The following HELLS variants were observed in gnomAD, a reference collection of about 807,000 sequenced individuals.
The protein encoded by HELLS is helicase, lymphoid specific.
Under a neutral mutation model 120.0 loss-of-function variants are expected in HELLS, and 32 were observed. The observed-to-expected ratio is 0.27, with a 90% CI of 0.20 to 0.36. The LOEUF (loss-of-function observed/expected upper bound fraction) is 0.36, where lower values mean the gene tolerates loss of function less well. Among genes scored for constraint, HELLS ranks in the 10% least tolerant of loss-of-function variants. The pLI, the probability that HELLS is intolerant of heterozygous loss-of-function variation, is 1.00. For synonymous variants in HELLS, 341 were observed against 323.4 expected, an observed-to-expected ratio of 1.05 and a Z score of -0.58; for missense variants, 650 against 993.4, an observed-to-expected ratio of 0.65 and a Z score of 4.65.
chr10:94,583,100 T>C (rs370039394), intron 12 of HELLS, 41 bp downstream of exon 12: 6 of 1,201,892 alleles, frequency 5.0e-6, no homozygotes, highest in Non-Finnish European at 7.2e-6. Context: ...ATAGGCTCGA[T>C]AGAGTATAAA....
intron 2 of HELLS, among the ~76,000 whole-genome samples, chr10:94,553,277 C>G (rs1409621341): frequency 2.0e-5 from 3 of 150,604 alleles, no homozygotes; most frequent in Non-Finnish European, 4.4e-5. Flanking sequence ...CGGACGGAGT[C>G]TCACTCTGTC....
intron 3 of HELLS, 124 bp downstream of exon 3, chr10:94,554,372 A>G (rs1451044268): frequency 1.6e-6 from 1 of 627,704 alleles, no homozygotes; most frequent in African/African-American, 2.0e-5. Flanking sequence ...AGTTTTGACT[A>G]GTAAATATAT....
chr10:94,576,818 T>C lies in HELLS; in HGVS notation c.1032+13T>C. ...AAATGCGTTACAGGTACAAATGATC[T>C]TCATTGGTTTCTTTGTAATACATAA... On this transcript the variant is annotated intron_variant, in intron 10 of 21. Transcript: ENST00000348459. 1 of 1,581,696 alleles carries C rather than the reference T, an allele frequency of 6.3e-7. No individual in the cohort carries two copies. The highest frequency in any genetic ancestry group is 8.6e-7 in the Non-Finnish European group (1 of 1,163,118).
chr10:94,579,282 G>T (rs1844694151), intron 10 of HELLS, among the ~76,000 whole-genome samples: 1 of 144,456 alleles, frequency 6.9e-6, no homozygotes, highest in Admixed American at 7.1e-5. Context: ...CTCACTGCAA[G>T]CTCCACCTCC....
chr10:94,605,083 C>CG (rs553554582), downstream of HELLS, among the ~76,000 whole-genome samples: 403 of 130,796 alleles, frequency 3.1e-3, 11 homozygotes, highest in African/African-American at 0.01. Context: ...CCCCCCCCCC[C>CG]CCTTTTTTTT....
downstream of HELLS, among the ~76,000 whole-genome samples, chr10:94,605,010 C>T (rs1344388466): frequency 6.6e-6 from 1 of 150,576 alleles, no homozygotes; most frequent in African/African-American, 2.5e-5. Context: ...CTTTACCATA[C>T]TCCTGGGTAT....
At chr10:94,589,726 G>T (rs1845375350) in intron 13 of HELLS, among the ~76,000 whole-genome samples, 2 of 116,566 alleles carry the variant, frequency 1.7e-5, no homozygotes, top group African/African-American at 3.4e-5. Flanking sequence ...TCGCTGTGTT[G>T]CCCAGGCTGG....
chr10:94,606,108 T>C (rs1020482237), downstream of HELLS, among the ~76,000 whole-genome samples: 1 of 151,532 alleles, frequency 6.6e-6, no homozygotes, highest in Non-Finnish European at 1.5e-5. Context: ...ACTCCTGCTA[T>C]GTTGCACAGA....
In HELLS at chr10:94,574,186, G is replaced by T; in HGVS notation, c.704G>T (p.Arg235Met). The T allele has an allele frequency of 6.3e-7, 1 of 1,595,754 alleles. No homozygotes were observed. Among genetic ancestry groups the T allele is most frequent in the South Asian group, 1.1e-5 (1 of 89,800 alleles). Residue 235 changes from arginine (R) to methionine (M), a missense_variant and splice_region_variant, in exon 8 of 22, where the codon AGG becomes ATG. Arg to Met is a moderately conservative substitution (Grantham distance 91, BLOSUM62 -1). Coordinates refer to ENST00000348459, the MANE Select transcript of HELLS (RefSeq NM_018063.5). ...CAAGTAGAAGGCATGGAATGGCTTA[G>T]GGTAATGAATTGGAATTTTTAATAC... is the stretch of plus-strand genomic sequence containing the variant. ...WYQVEGMEWL[R>M]MLWENGINGI...
exon 10 of HELLS, chr10:94,613,529 A>T (rs1191907323): frequency 1.3e-5 from 2 of 152,168 alleles, no homozygotes; most frequent in Middle Eastern, 3.2e-3. Context: ...TAAAGATATA[A>T]TTTTTTCCCT....
intron 21 of HELLS, among the ~76,000 whole-genome samples, chr10:94,601,231 CTT>C (rs777872282): frequency 1.3e-5 from 2 of 152,208 alleles, no homozygotes; most frequent in South Asian, 4.1e-4. Context: ...ATTTATTGCT[CTT>C]TGACTTGTTT....
At chr10:94,594,527 G>C (rs11188038) in intron 18 of HELLS, among the ~76,000 whole-genome samples, 168 bp from the exon 19 acceptor site, 1 of 151,838 alleles carries the variant, frequency 6.6e-6, no homozygotes, top group South Asian at 2.1e-4. Context: ...ATATTGTCAA[G>C]GATCTGTGGA....
intron 21 of HELLS, among the ~76,000 whole-genome samples, chr10:94,598,001 C>G (rs2134129322): frequency 6.8e-6 from 1 of 147,868 alleles, no homozygotes; most frequent in East Asian, 1.9e-4. Context: ...GGATATATTG[C>G]TTCTTTTTTT....
chr10:94,574,476 A>T, intron 8 of HELLS, 78 bp from the exon 9 acceptor site: 1 of 1,113,670 alleles, frequency 9.0e-7, no homozygotes, highest in Non-Finnish European at 1.3e-6. Context: ...GTGATTTTTT[A>T]AAGAGAAGAA....
In HELLS at chr10:94,589,591, G is replaced by A. The variant is rs374968413; in HGVS notation, c.1489-822G>A. ...TGTTTAACTTTCCAGGTTTTTTATT[G>A]TACACTATAAACCTACGTATTTTCT... On this transcript the variant is annotated intron_variant, in intron 13 of 21. Coordinates refer to ENST00000348459, the MANE Select transcript of HELLS (RefSeq NM_018063.5). 5.3e-5 allele frequency among the ~76,000 whole-genome samples: 8 copies of A among 149,896 alleles called. No homozygotes were observed. The East Asian group carries it at 1.6e-3, about 29-fold the overall frequency.
chr10:94,555,753 C>T lies in HELLS; in HGVS notation c.276+1505C>T, dbSNP rs541623939. The stretch of plus-strand genomic sequence containing the variant: ...AAGCAGCCCTCCCACCTCGGCCTCC[C>T]GAGTAGCTGGGACTACAGGAGCACA... On this transcript the variant is annotated intron_variant, in intron 3 of 21. Transcript: ENST00000348459. 4.6e-5 allele frequency among the ~76,000 whole-genome samples: 7 copies of T among 152,224 alleles called. No individual in the cohort carries two copies. The East Asian group carries it at 7.7e-4, about 17-fold the overall frequency.
intron 3 of HELLS, among the ~76,000 whole-genome samples, chr10:94,556,976 T>C (rs1279409518): frequency 6.6e-6 from 1 of 152,244 alleles, no homozygotes; most frequent in African/African-American, 2.4e-5. Flanking sequence ...ATTTTATGCC[T>C]GGAACCTTCT....
At chr10:94,607,896 T>C in intron 8 of HELLS, 1 of 425,894 alleles carries the variant, frequency 2.3e-6, no homozygotes, top group South Asian at 1.7e-5. Context: ...CCCAACTGAT[T>C]TTTGTATTTT....
exon 10 of HELLS, chr10:94,612,165 C>T (rs1564625329): frequency 6.6e-6 from 1 of 152,206 alleles, no homozygotes; most frequent in East Asian, 1.9e-4. Context: ...TTTTCCTTAT[C>T]TGTAAGACAG....
Sources: gnomAD v4.1 joint callset for allele counts (sites outside exome capture counted in the v4.1 genomes callset) on GRCh38, gnomAD v4.1.1 for gene constraint, MANE v1.5 for transcripts, NCBI Gene and HGNC (gene_info 2026-07-23, HGNC 2026-07-21) for gene names.